The following RIMS1 variants were observed in gnomAD, a reference collection of about 807,000 sequenced individuals.
The protein encoded by RIMS1 is regulating synaptic membrane exocytosis protein 1.
A neutral mutation model predicts 214.1 loss-of-function variants in RIMS1; 83 were observed. The observed-to-expected ratio is 0.39, with a 90% CI of 0.32 to 0.47. RIMS1 has a LOEUF of 0.47. Ranked by LOEUF, RIMS1 falls within the 20% of genes least tolerant of loss-of-function variation. The pLI, the probability that RIMS1 is intolerant of heterozygous loss-of-function variation, is 0.99. For missense variants in RIMS1, 2,050 were observed against 2,161.8 expected (o/e 0.95, Z 1.03); for synonymous variants, 793 against 786.8 (o/e 1.01, Z -0.13).
intron 29 of RIMS1, among the ~76,000 whole-genome samples, chr6:72,374,159 C>T (rs1240412490): frequency 2.0e-5 from 3 of 152,170 alleles, no homozygotes; most frequent in Admixed American, 2.0e-4. Flanking sequence ...GTGATCCGCC[C>T]GCCTCGGCCT....
At chr6:72,020,450 T>C (rs1027998001) in intron 2 of RIMS1, among the ~76,000 whole-genome samples, 3 of 152,192 alleles carry the variant, frequency 2.0e-5, no homozygotes, top group African/African-American at 7.2e-5. Flanking sequence ...CTCAGCCTCT[T>C]TGCACCATGT....
At chr6:72,266,925 C>CAGAA (rs1304295657) in intron 22 of RIMS1, among the ~76,000 whole-genome samples, 4 of 152,068 alleles carry the variant, frequency 2.6e-5, no homozygotes, top group Non-Finnish European at 5.9e-5. Flanking sequence ...CCCGCTCCTC[C>CAGAA]TTCTTAGTAG....
chr6:72,318,494 T>A (rs1342021973), intron 28 of RIMS1, among the ~76,000 whole-genome samples: 3 of 152,200 alleles, frequency 2.0e-5, no homozygotes, highest in Non-Finnish European at 2.9e-5. Flanking sequence ...CCCTCCCCCA[T>A]TTGCATATTC....
At chr6:71,984,792 T>C (rs541775774) in intron 2 of RIMS1, among the ~76,000 whole-genome samples, 1,638 of 151,754 alleles carry the variant, frequency 0.011, 41 homozygotes, top group African/African-American at 0.037. Context: ...TATCTATCTA[T>C]CTATCTATCT....
rs13194798 is a variant in RIMS1 at position 72,033,427 on chromosome 6, T to A, written c.246-63522T>A. On this transcript the variant is annotated intron_variant, in intron 2 of 33. Transcript: ENST00000521978. Reference sequence around the variant, plus strand: ...ATCATTTACATCTATACTTATCACATCGTGTGCCTCTTTTCAAAAACAAAT... The same window carrying A: ...ATCATTTACATCTATACTTATCACAACGTGTGCCTCTTTTCAAAAACAAAT... Among the ~76,000 whole-genome samples, 1,335 of 152,304 alleles carry A rather than the reference T, an allele frequency of 8.8e-3. 9 individuals are homozygous for A. Among genetic ancestry groups the A allele is most frequent in the Non-Finnish European group, 0.015 (1,008 of 68,024 alleles).
intron 29 of RIMS1, among the ~76,000 whole-genome samples, chr6:72,383,271 C>T (rs2098524641): frequency 6.6e-6 from 1 of 152,138 alleles, no homozygotes; most frequent in South Asian, 2.1e-4. Flanking sequence ...TTTTACTTGT[C>T]TATGTCTCCT....
At chr6:72,335,434 A>G (rs1051235143) in intron 29 of RIMS1, among the ~76,000 whole-genome samples, 3 of 151,934 alleles carry the variant, frequency 2.0e-5, no homozygotes, top group Non-Finnish European at 2.9e-5. Context: ...ATAGTATTCC[A>G]TTGTGTATGT....
Position 72,242,328 on chromosome 6 carries a change from G to A in RIMS1, c.1972G>A (p.Glu658Lys), listed in dbSNP as rs1187136847. 6.4e-7 allele frequency: 1 copy of A among 1,562,994 alleles called. No individual in the cohort carries two copies. The highest frequency in any genetic ancestry group is 1.2e-5 in the South Asian group (1 of 84,706). ...GHLRAGDEVL[E>K]WNGKPLPGAT... ...TTAAATTCAAGGGGATGAAGTTCTAGAATGGAATGGTAAACCCCTGCCGGG... is the reference window on the plus strand; with the variant it reads ...TTAAATTCAAGGGGATGAAGTTCTAAAATGGAATGGTAAACCCCTGCCGGG... The change falls in exon 10 of 34, where the codon GAA (glutamate) becomes AAA (lysine). Residue 658 changes from glutamate (E) to lysine (K), a missense_variant. Glu to Lys is a moderately conservative substitution (Grantham distance 56). This residue lies in a region of RIMS1 where 111 missense variants were observed against 166.2 expected (regional missense o/e 0.67). Coordinates refer to ENST00000521978, the MANE Select transcript of RIMS1 (RefSeq NM_014989.7).
chr6:72,111,331 C>A (rs2036043450), intron 4 of RIMS1, among the ~76,000 whole-genome samples: 1 of 152,078 alleles, frequency 6.6e-6, no homozygotes, highest in African/African-American at 2.4e-5. Context: ...TAATATTTTT[C>A]AAAATCTCAA....
At chr6:72,068,024 T>C (rs1172439516) in intron 2 of RIMS1, among the ~76,000 whole-genome samples, 1 of 152,154 alleles carries the variant, frequency 6.6e-6, no homozygotes, top group Non-Finnish European at 1.5e-5. Context: ...AATCATACAA[T>C]AGAAGGTGAT....
Position 72,235,739 on chromosome 6 carries a change from T to G in RIMS1, c.1857+11T>G. The G allele has an allele frequency of 6.6e-7, 1 of 1,519,656 alleles. No homozygotes were observed. The highest frequency in any genetic ancestry group is 9.0e-7 in the Non-Finnish European group (1 of 1,110,652). 94.1% of individuals were successfully genotyped at this position (1,519,656 alleles called of 1,614,324 possible). On this transcript the variant is annotated intron_variant, in intron 8 of 33. Coordinates refer to ENST00000521978, the MANE Select transcript of RIMS1 (RefSeq NM_014989.7). ...TTGCTGGGTCTGAAAGTAAGTATGC[T>G]GGTTTAAAATGTTTCTTAAAGGGTG... is the stretch of plus-strand genomic sequence containing the variant.
At chr6:72,143,657 G>A (rs1390205018) in intron 4 of RIMS1, among the ~76,000 whole-genome samples, 5 of 151,650 alleles carry the variant, frequency 3.3e-5, no homozygotes, top group East Asian at 3.8e-4. Flanking sequence ...CTTCTATCAC[G>A]CTGTGTTGGT....
chr6:71,895,524 A>G (rs929223500), intron 1 of RIMS1, among the ~76,000 whole-genome samples: 6 of 152,008 alleles, frequency 3.9e-5, no homozygotes, highest in Non-Finnish European at 7.4e-5. Context: ...AAAATAAAAA[A>G]ATTAGCCGGC....
intron 4 of RIMS1, among the ~76,000 whole-genome samples, chr6:72,175,838 T>C (rs189101991): frequency 4.6e-5 from 7 of 152,336 alleles, no homozygotes; most frequent in African/African-American, 1.7e-4. Flanking sequence ...TCTGCCAAAC[T>C]TGTGGTTTTA....
intron 6 of RIMS1, among the ~76,000 whole-genome samples, chr6:72,195,315 C>T (rs995836042): frequency 2.0e-5 from 3 of 152,152 alleles, no homozygotes; most frequent in Admixed American, 1.3e-4. Context: ...CAGATGTCAA[C>T]CTATATAACA....
chr6:72,208,850 A>G (rs1166993200), intron 6 of RIMS1, among the ~76,000 whole-genome samples: 3 of 152,166 alleles, frequency 2.0e-5, no homozygotes, highest in African/African-American at 7.2e-5. Context: ...ACCCTGGCTC[A>G]CATCCTGGCA....
At chr6:72,111,828 G>C (rs74845953) in intron 4 of RIMS1, among the ~76,000 whole-genome samples, 1,706 of 152,158 alleles carry the variant, frequency 0.011, 11 homozygotes, top group Non-Finnish European at 0.017. Flanking sequence ...GTCCTCAGTA[G>C]TGTTCAGGGG....
intron 1 of RIMS1, among the ~76,000 whole-genome samples, chr6:71,893,506 T>C (rs577787395): frequency 1.1e-4 from 17 of 152,298 alleles, no homozygotes; most frequent in Admixed American, 7.8e-4. Context: ...ATAATTTTAG[T>C]GTCACTGGGT....
At chr6:71,887,240 T>TCACCACTCACTCC in intron 1 of RIMS1, 53 bp downstream of exon 1, 2 of 1,560,756 alleles carry the variant, frequency 1.3e-6, no homozygotes, top group African/African-American at 2.7e-5. Flanking sequence ...ATCCGTCCAT[T>TCACCACTCACTCC]CACCACTCAC....
Sources: gnomAD v4.1 joint callset for allele counts (sites outside exome capture counted in the v4.1 genomes callset) on GRCh38, gnomAD v4.1.1 for gene constraint, gnomAD v4.1.1 regional missense constraint, MANE v1.5 for transcripts, NCBI Gene and HGNC (gene_info 2026-07-23, HGNC 2026-07-21) for gene names.